Variants in PMFBP1 observed in about 807,000 individuals in gnomAD.
PMFBP1 encodes the protein polyamine modulated factor 1 binding protein 1.
PMFBP1 carries 131 observed loss-of-function variants against 137.8 expected under a neutral mutation model. The observed-to-expected ratio is 0.95, with a 90% CI of 0.82 to 1.10. PMFBP1 has a LOEUF of 1.10. Among genes scored for constraint, PMFBP1 ranks in the 50% least tolerant of loss-of-function variants. The probability of loss-of-function intolerance (pLI) is 0.00; values close to 1 mark genes in which losing one functional copy is unlikely to be tolerated. For synonymous variants in PMFBP1, 490 were observed against 450.4 expected, an observed-to-expected ratio of 1.09 and a Z score of -1.11; for missense variants, 1,199 against 1,175.4, an observed-to-expected ratio of 1.02 and a Z score of -0.29.
At chr16:72,181,795 TTAAA>T (rs1294655186), upstream of PMFBP1, among the ~76,000 whole-genome samples, 1 of 152,192 alleles carries the variant, frequency 6.6e-6, no homozygotes, top group African/African-American at 2.4e-5. Context: ...GTAGGTTTAG[TTAAA>T]TAAATGTTTA....
chr16:72,149,889 T>A (rs2042875401), intron 5 of PMFBP1, among the ~76,000 whole-genome samples: 1 of 152,164 alleles, frequency 6.6e-6, no homozygotes, highest in Non-Finnish European at 1.5e-5. Context: ...TAACTGTATA[T>A]AGCACAAGCC....
At chr16:72,156,110 C>T (rs8045481) in intron 3 of PMFBP1, among the ~76,000 whole-genome samples, 48,749 of 151,862 alleles carry the variant, frequency 0.32, 8,906 homozygotes, top group African/African-American at 0.51. Context: ...CCTCAGCCTC[C>T]GGAGTAGCTG....
At chr16:72,178,729 T>C (rs956205025), upstream of PMFBP1, among the ~76,000 whole-genome samples, 5 of 152,170 alleles carry the variant, frequency 3.3e-5, no homozygotes, top group Non-Finnish European at 7.3e-5. Context: ...CATTCTTACT[T>C]TTGGGTACGA....
chr16:72,161,424 C>T (rs1028988287), intron 3 of PMFBP1, among the ~76,000 whole-genome samples: 1 of 152,190 alleles, frequency 6.6e-6, no homozygotes, highest in Non-Finnish European at 1.5e-5. Flanking sequence ...ATGTCTTCTA[C>T]AAATTGCATG....
the PMFBP1 span, among the ~76,000 whole-genome samples, chr16:72,195,169 T>C: frequency 6.6e-6 from 1 of 152,170 alleles, no homozygotes; most frequent in Non-Finnish European, 1.5e-5. Context: ...AATGACTGGG[T>C]GCAGCGATGG....
chr16:72,165,771 T>C (rs972279888), intron 2 of PMFBP1, among the ~76,000 whole-genome samples: 1 of 152,208 alleles, frequency 6.6e-6, no homozygotes, highest in African/African-American at 2.4e-5. Context: ...GTGAAATCCC[T>C]GGGCTGGTGG....
the PMFBP1 span, among the ~76,000 whole-genome samples, chr16:72,204,320 TG>T: frequency 6.6e-6 from 1 of 152,072 alleles, no homozygotes; most frequent in Non-Finnish European, 1.5e-5. Flanking sequence ...TTTGAGCTGC[TG>T]GGAATACTTT....
the PMFBP1 span, among the ~76,000 whole-genome samples, chr16:72,229,906 C>T: frequency 6.6e-6 from 1 of 152,080 alleles, no homozygotes; most frequent in Non-Finnish European, 1.5e-5. Context: ...TTGAGGTGAC[C>T]AGTACAAAGT....
At chr16:72,155,012 T>G (rs1160830940) in intron 3 of PMFBP1, among the ~76,000 whole-genome samples, 1 of 152,146 alleles carries the variant, frequency 6.6e-6, no homozygotes, top group Non-Finnish European at 1.5e-5. Flanking sequence ...TTGCGGATGC[T>G]GACTCTGTGT....
intron 5 of PMFBP1, among the ~76,000 whole-genome samples, chr16:72,142,204 A>G (rs1465681358): frequency 2.0e-5 from 3 of 152,176 alleles, no homozygotes; most frequent in Admixed American, 6.5e-5. Context: ...GTTCATGTAG[A>G]TAATGCAGAG....
At chr16:72,195,873 T>A in the PMFBP1 span, among the ~76,000 whole-genome samples, 1 of 152,242 alleles carries the variant, frequency 6.6e-6, no homozygotes, top group Non-Finnish European at 1.5e-5. Flanking sequence ...CCTGCAGGTC[T>A]GCAATCCACT....
At chr16:72,124,650 C>T (rs2042426200) in intron 17 of PMFBP1, 117 bp downstream of exon 17, 9 of 1,266,898 alleles carry the variant, frequency 7.1e-6, no homozygotes, top group Non-Finnish European at 9.9e-6. Context: ...GAGGGGGTGA[C>T]CTTTCCTTTG....
chr16:72,245,690 G>T, the PMFBP1 span, among the ~76,000 whole-genome samples: 26 of 152,134 alleles, frequency 1.7e-4, no homozygotes, highest in Non-Finnish European at 1.5e-4. Context: ...TGCTGTCACA[G>T]GTGTAGTGCA....
At chr16:72,241,779 A>T in the PMFBP1 span, among the ~76,000 whole-genome samples, 1 of 152,184 alleles carries the variant, frequency 6.6e-6, no homozygotes, top group Admixed American at 6.5e-5. Context: ...GTAAGTTTGT[A>T]TTAGGTTATT....
the PMFBP1 span, among the ~76,000 whole-genome samples, chr16:72,225,974 G>T: frequency 7.0e-6 from 1 of 142,092 alleles, no homozygotes; most frequent in Non-Finnish European, 1.5e-5. Flanking sequence ...CACACACTGA[G>T]CAACAGTCTT....
At chr16:72,179,692 CTG>C (rs2043269980), upstream of PMFBP1, among the ~76,000 whole-genome samples, 1 of 152,154 alleles carries the variant, frequency 6.6e-6, no homozygotes, top group Non-Finnish European at 1.5e-5. Context: ...GAAGGAAAAA[CTG>C]TGTGTACACT....
In PMFBP1 at chr16:72,139,329, T is replaced by C. The variant is rs757164075; in HGVS notation, c.878A>G (p.Tyr293Cys). ...DFASCTATHR[Y>C]PPSSSEECED... ...ACACTCTTCTGAGGAGCTAGGAGGGTATCTGTGGGTGGCTGTACAGGAAGC... is the reference window on the plus strand; with the variant it reads ...ACACTCTTCTGAGGAGCTAGGAGGGCATCTGTGGGTGGCTGTACAGGAAGC... Residue 293 changes from tyrosine to cysteine, a missense_variant, in exon 7 of 21, where the codon TAC becomes TGC. Tyr to Cys is a radical substitution (Grantham distance 194, BLOSUM62 -2). Coordinates refer to ENST00000237353, the MANE Select transcript of PMFBP1 (RefSeq NM_031293.3). The C allele has an allele frequency of 3.0e-5, 49 of 1,613,876 alleles. 1 individual carries two copies. The Middle Eastern group carries it at 4.9e-4, about 16-fold the overall frequency.
In PMFBP1 at chr16:72,129,078, C is replaced by T. The variant is rs1418901643; in HGVS notation, c.1938G>A (p.Lys646=). The change falls in exon 13 of 21, where the codon AAG becomes AAA. Residue 646 remains lysine, a synonymous_variant. Transcript: ENST00000237353. The stretch of plus-strand genomic sequence containing the variant: ...TTCTCCCACTCACCGTCTTGTCTTT[C>T]TTTTTAAATTCCTGCCGCAAAGCTT... ...ELEALRQEFK[K]KDKTLKENSR... 1 of 1,613,774 alleles carries T rather than the reference C, an allele frequency of 6.2e-7. No homozygotes were observed. The highest frequency in any genetic ancestry group is 2.2e-5 in the East Asian group (1 of 44,878).
intron 14 of PMFBP1, 152 bp from the exon 15 acceptor site, chr16:72,126,284 T>A: frequency 2.5e-6 from 2 of 815,716 alleles, no homozygotes; most frequent in Non-Finnish European, 3.8e-6. Context: ...ACTTCACCAC[T>A]GTAAAAGGTA....
Sources: allele counts gnomAD v4.1 joint callset (sites outside exome capture counted in the v4.1 genomes callset), GRCh38; gene constraint gnomAD v4.1.1; transcripts MANE v1.5; gene names NCBI Gene and HGNC (gene_info 2026-07-23, HGNC 2026-07-21).